Variants in STARD13 observed in about 807,000 individuals in gnomAD.
STARD13 encodes StAR related lipid transfer domain containing 13.
Under a neutral mutation model 106.4 loss-of-function variants are expected in STARD13, and 62 were observed. The observed-to-expected ratio is 0.58, with a 90% CI of 0.48 to 0.72. STARD13 has a LOEUF of 0.72. Ranked by LOEUF, STARD13 falls within the 30% of genes least tolerant of loss-of-function variation. STARD13 has a pLI of 0.00. For missense variants in STARD13, 1,387 were observed against 1,424.0 expected (o/e 0.97, Z 0.42); for synonymous variants, 565 against 553.0 (o/e 1.02, Z -0.31).
At chr13:33,168,689 T>A (rs1296533535) in intron 1 of STARD13, among the ~76,000 whole-genome samples, 1 of 152,074 alleles carries the variant, frequency 6.6e-6, no homozygotes, top group African/African-American at 2.4e-5. Context: ...AAAGCTGGAG[T>A]GTACAGGGCG....
At chr13:33,518,075 T>TGGG in the STARD13 span, among the ~76,000 whole-genome samples, 4 of 152,060 alleles carry the variant, frequency 2.6e-5, no homozygotes, top group Non-Finnish European at 4.4e-5. Flanking sequence ...GACTAGAAGT[T>TGGG]GGGGGCAGGA....
At chr13:33,312,900 C>T (rs1893195786) in intron 1 of STARD13, among the ~76,000 whole-genome samples, 1 of 152,186 alleles carries the variant, frequency 6.6e-6, no homozygotes, top group African/African-American at 2.4e-5. Flanking sequence ...GCCAGATTTA[C>T]CAGGGTTCTA....
chr13:33,356,061 A>G, the STARD13 span, among the ~76,000 whole-genome samples: 1 of 152,210 alleles, frequency 6.6e-6, no homozygotes, highest in Non-Finnish European at 1.5e-5. Context: ...CAACTTTACA[A>G]ATATCACAAT....
Position 33,129,131 on chromosome 13 carries a change from T to A in STARD13, c.1546A>T (p.Thr516Ser), listed in dbSNP as rs564213814. 1.2e-4 allele frequency: 192 copies of A among 1,614,196 alleles called. 2 individuals are homozygous for A. In the Admixed American group the frequency reaches 2.5e-3, roughly 21 times the overall value. Residue 516 changes from threonine (T) to serine (S), a missense_variant, in exon 5 of 14, where the codon ACA becomes TCA. Physicochemically the swap from Thr to Ser is moderately conservative, Grantham distance 58 (BLOSUM62 1). Coordinates refer to ENST00000336934, the MANE Select transcript of STARD13 (RefSeq NM_178006.4). ...GATAAGCCAGGTTCCCCAACCAATG[T>A]ATCATGAGTTTGCAGTTCAGGCAAG... ...DVLPELQTHD[T>S]LVGEPGLSTF...
At chr13:33,263,018 A>G (rs1416921221) in intron 1 of STARD13, among the ~76,000 whole-genome samples, 2 of 152,206 alleles carry the variant, frequency 1.3e-5, no homozygotes, top group Non-Finnish European at 2.9e-5. Flanking sequence ...GAGAGTCTAC[A>G]TTCTGGCTCA....
At chr13:33,179,972 G>A (rs1012326621) in intron 1 of STARD13, among the ~76,000 whole-genome samples, 1 of 152,198 alleles carries the variant, frequency 6.6e-6, no homozygotes, top group Non-Finnish European at 1.5e-5. Flanking sequence ...TCCTCCCTCT[G>A]TGCCTGCAGG....
At chr13:33,652,436 T>C in the STARD13 span, among the ~76,000 whole-genome samples, 3 of 152,230 alleles carry the variant, frequency 2.0e-5, no homozygotes, top group African/African-American at 7.2e-5. Flanking sequence ...TCAAAATCTC[T>C]AGATTCTAAA....
intron 9 of STARD13, 42 bp from the exon 10 acceptor site, chr13:33,111,934 C>T (rs1348829061): frequency 7.0e-6 from 9 of 1,279,302 alleles, no homozygotes; most frequent in East Asian, 2.3e-5. Flanking sequence ...CCCACACCAA[C>T]GAGCTTGTCA....
chr13:33,352,126 C>A (rs2078084507), upstream of STARD13, among the ~76,000 whole-genome samples: 1 of 152,158 alleles, frequency 6.6e-6, no homozygotes, highest in South Asian at 2.1e-4. Flanking sequence ...AGCAATAAGT[C>A]ACGGATCAGA....
chr13:33,568,006 T>C, the STARD13 span, among the ~76,000 whole-genome samples: 2 of 145,910 alleles, frequency 1.4e-5, no homozygotes, highest in Non-Finnish European at 3.0e-5. Flanking sequence ...GAGATTGTTT[T>C]TATGGATAAT....
the STARD13 span, among the ~76,000 whole-genome samples, chr13:33,360,350 G>C: frequency 2.0e-5 from 3 of 151,894 alleles, no homozygotes; most frequent in South Asian, 4.2e-4. Context: ...GACTATAGGC[G>C]CGTGCCACCA....
chr13:33,523,188 A>G, the STARD13 span, among the ~76,000 whole-genome samples: 1 of 152,034 alleles, frequency 6.6e-6, no homozygotes, highest in Non-Finnish European at 1.5e-5. Flanking sequence ...AGATGGGAGG[A>G]GGAAGAAATT....
the STARD13 span, among the ~76,000 whole-genome samples, chr13:33,514,434 A>G: frequency 5.3e-5 from 8 of 152,102 alleles, no homozygotes; most frequent in Non-Finnish European, 8.8e-5. Context: ...TGGGCTTGTT[A>G]CCTAGTTATC....
chr13:33,454,066 T>C, the STARD13 span, among the ~76,000 whole-genome samples: 1 of 152,226 alleles, frequency 6.6e-6, no homozygotes, highest in African/African-American at 2.4e-5. Flanking sequence ...TTTCTACTTG[T>C]GGAGGCTATG....
chr13:33,206,395 ACC>A (rs1332811723), intron 1 of STARD13, among the ~76,000 whole-genome samples: 1 of 149,024 alleles, frequency 6.7e-6, no homozygotes, highest in African/African-American at 2.5e-5. Flanking sequence ...ACACACACAC[ACC>A]CATAAATAAT....
chr13:33,292,608 A>AT (rs1892337702), intron 1 of STARD13, among the ~76,000 whole-genome samples: 2 of 151,752 alleles, frequency 1.3e-5, no homozygotes, highest in Non-Finnish European at 2.9e-5. Flanking sequence ...TTCAAAAAAA[A>AT]AAAAATCACC....
At chr13:33,402,590 A>G in the STARD13 span, among the ~76,000 whole-genome samples, 1 of 152,198 alleles carries the variant, frequency 6.6e-6, no homozygotes, top group African/African-American at 2.4e-5. Flanking sequence ...GCCCAAAAAG[A>G]TGCCTTTTGG....
At chr13:33,530,387 C>T in the STARD13 span, among the ~76,000 whole-genome samples, 3 of 152,198 alleles carry the variant, frequency 2.0e-5, no homozygotes, top group Admixed American at 6.6e-5. Context: ...TTGCATTCTT[C>T]ATTCTTTATC....
At chr13:33,119,528 GAGAGC>G (rs1875937734) in intron 7 of STARD13, among the ~76,000 whole-genome samples, 1 of 152,194 alleles carries the variant, frequency 6.6e-6, no homozygotes, top group African/African-American at 2.4e-5. Flanking sequence ...GCAACAAATG[GAGAGC>G]AGTCCTCATT....
Sources: gnomAD v4.1 joint callset for allele counts (sites outside exome capture counted in the v4.1 genomes callset) on GRCh38, gnomAD v4.1.1 for gene constraint, MANE v1.5 for transcripts, NCBI Gene and HGNC (gene_info 2026-07-23, HGNC 2026-07-21) for gene names.